Variants in MAP3K20 observed in about 807,000 individuals in gnomAD.
MAP3K20 encodes mitogen-activated protein kinase kinase kinase 20.
A neutral mutation model predicts 85.7 loss-of-function variants in MAP3K20; 40 were observed. The ratio of observed to expected loss-of-function variants is 0.47; its 90% CI spans 0.36 to 0.61. The LOEUF is 0.61. MAP3K20 is among the 20% of genes least tolerant of loss of function. The probability of loss-of-function intolerance (pLI) is 0.00; values close to 1 mark genes in which losing one functional copy is unlikely to be tolerated. For missense variants in MAP3K20, 817 were observed against 961.7 expected (o/e 0.85, Z 1.99); for synonymous variants, 325 against 327.7 (o/e 0.99, Z 0.09).
intron 2 of MAP3K20, among the ~76,000 whole-genome samples, chr2:173,121,899 C>T (rs1688305186): frequency 6.6e-6 from 1 of 152,182 alleles, no homozygotes; most frequent in Admixed American, 6.5e-5. Flanking sequence ...ATTTAGTCTC[C>T]ATCCTTGCCA....
intron 3 of MAP3K20, among the ~76,000 whole-genome samples, chr2:173,175,055 A>G (rs1362783595): frequency 6.6e-6 from 1 of 152,142 alleles, no homozygotes; most frequent in Non-Finnish European, 1.5e-5. Flanking sequence ...TCCAGGAATA[A>G]TTGCTCTGTG....
intron 3 of MAP3K20, among the ~76,000 whole-genome samples, chr2:173,181,130 T>C (rs1690312992): frequency 6.6e-6 from 1 of 152,220 alleles, no homozygotes; most frequent in Non-Finnish European, 1.5e-5. Context: ...CATAAAAAGA[T>C]GCCCAACTTT....
chr2:173,184,770 C>T (rs972311046), intron 4 of MAP3K20, among the ~76,000 whole-genome samples: 3 of 151,936 alleles, frequency 2.0e-5, no homozygotes, highest in African/African-American at 2.4e-5. Flanking sequence ...ATTAGCTGGG[C>T]GTGGTGGTGC....
intron 1 of MAP3K20, among the ~76,000 whole-genome samples, chr2:173,083,463 C>G (rs1244312087): frequency 2.0e-5 from 3 of 152,078 alleles, no homozygotes; most frequent in Admixed American, 6.6e-5. Flanking sequence ...AAGCGATCCT[C>G]CTGCCTCAGC....
intron 2 of MAP3K20, among the ~76,000 whole-genome samples, chr2:173,149,549 C>G (rs562609909): frequency 3.6e-4 from 54 of 151,660 alleles, no homozygotes; most frequent in African/African-American, 1.3e-3. Flanking sequence ...CAATGCAAGT[C>G]TCATTATCCT....
chr2:173,078,299 A>C (rs1354533694), intron 1 of MAP3K20, among the ~76,000 whole-genome samples: 1 of 152,220 alleles, frequency 6.6e-6, no homozygotes, highest in Non-Finnish European at 1.5e-5. Flanking sequence ...GTTGGAAATA[A>C]AAATGAATTT....
intron 16 of MAP3K20, among the ~76,000 whole-genome samples, chr2:173,243,639 A>G (rs1417896968): frequency 2.6e-5 from 4 of 152,130 alleles, no homozygotes; most frequent in Non-Finnish European, 5.9e-5. Context: ...GTTTTTTGAG[A>G]CGGAATCTCG....
chr2:173,224,384 T>C (rs4146109), intron 11 of MAP3K20: 982,305 of 985,364 alleles, frequency 1, 489,682 homozygotes, highest in Non-Finnish European at 1. Context: ...TCTTAATTTA[T>C]GTATAAATCC....
At chr2:173,247,906 G>T (rs1052840856) in intron 16 of MAP3K20, among the ~76,000 whole-genome samples, 3 of 152,146 alleles carry the variant, frequency 2.0e-5, no homozygotes, top group African/African-American at 4.8e-5. Context: ...CAAGTCCAAG[G>T]GAGACAGCAT....
In MAP3K20 at chr2:173,129,816, G is replaced by T. The variant is rs147715451; in HGVS notation, c.159+38626G>T. 1.9e-3 allele frequency among the ~76,000 whole-genome samples: 287 copies of T among 152,256 alleles called. 1 individual carries two copies. Among genetic ancestry groups the T allele is most frequent in the Non-Finnish European group, 3.4e-3 (228 of 68,026 alleles). ...CGCATAATCAGAAATTATAATTGAA[G>T]CTCACTTAAGTGGAGTCAAGAACTT... On this transcript the variant is annotated intron_variant, in intron 2 of 19. Transcript: ENST00000375213.
chr2:173,086,007 G>A (rs945511722), intron 1 of MAP3K20, among the ~76,000 whole-genome samples: 3 of 151,786 alleles, frequency 2.0e-5, no homozygotes, highest in Admixed American at 2.0e-4. Flanking sequence ...TGTTGACCAG[G>A]CTGGTCTCGA....
At chr2:173,100,231 A>G (rs1329912821) in intron 2 of MAP3K20, among the ~76,000 whole-genome samples, 1 of 152,212 alleles carries the variant, frequency 6.6e-6, no homozygotes, top group Non-Finnish European at 1.5e-5. Context: ...TCACTCTACC[A>G]AGTACTGCTA....
At chr2:173,145,937 A>G (rs766435640) in intron 2 of MAP3K20, among the ~76,000 whole-genome samples, 17 of 152,186 alleles carry the variant, frequency 1.1e-4, no homozygotes, top group Non-Finnish European at 2.1e-4. Flanking sequence ...ACTGATATAT[A>G]TATATATCTC....
intron 3 of MAP3K20, among the ~76,000 whole-genome samples, chr2:173,179,229 T>TA (rs1385806487): frequency 6.6e-6 from 1 of 151,772 alleles, no homozygotes; most frequent in Non-Finnish European, 1.5e-5. Context: ...CCGTCTCTAC[T>TA]AAAAACACAA....
chr2:173,096,367 T>A (rs1174734107), intron 2 of MAP3K20, among the ~76,000 whole-genome samples: 1 of 147,112 alleles, frequency 6.8e-6, no homozygotes, highest in Non-Finnish European at 1.5e-5. Context: ...TGACACAGAG[T>A]CTCGCTCTTT....
chr2:173,101,859 A>G (rs1687647589), intron 2 of MAP3K20, among the ~76,000 whole-genome samples: 2 of 152,014 alleles, frequency 1.3e-5, no homozygotes, highest in African/African-American at 4.8e-5. Context: ...CATGTTATCA[A>G]TTTTTTTTCA....
At chr2:173,245,990 C>G (rs1267111384) in intron 16 of MAP3K20, among the ~76,000 whole-genome samples, 1 of 152,194 alleles carries the variant, frequency 6.6e-6, no homozygotes, top group Non-Finnish European at 1.5e-5. Context: ...TTACGACAAT[C>G]AAACTGGCAG....
At chr2:173,218,970 T>G (rs773771105) in intron 11 of MAP3K20, among the ~76,000 whole-genome samples, 2 of 152,236 alleles carry the variant, frequency 1.3e-5, no homozygotes, top group Non-Finnish European at 2.9e-5. Flanking sequence ...ATGGACAGCC[T>G]GCAGCACAAT....
intron 1 of MAP3K20, among the ~76,000 whole-genome samples, chr2:173,081,237 G>A (rs894936855): frequency 4.0e-5 from 6 of 149,172 alleles, no homozygotes; most frequent in African/African-American, 1.5e-4. Flanking sequence ...ATGTTGTCCA[G>A]GCTGGCCTTG....
Sources: allele counts gnomAD v4.1 joint callset (sites outside exome capture counted in the v4.1 genomes callset), GRCh38; gene constraint gnomAD v4.1.1; transcripts MANE v1.5; gene names NCBI Gene and HGNC (gene_info 2026-07-23, HGNC 2026-07-21).